The following WASHC3 variants were observed in gnomAD, a reference collection of about 807,000 sequenced individuals.
WASHC3 encodes WASH complex subunit 3.
A neutral mutation model predicts 26.1 loss-of-function variants in WASHC3; 24 were observed. The observed-to-expected ratio is 0.92, with a 90% CI of 0.66 to 1.29. WASHC3 has a LOEUF of 1.29. WASHC3 is among the 50% of genes most tolerant of loss of function. WASHC3 has a pLI of 0.00. For missense variants in WASHC3, 214 were observed against 229.6 expected, an observed-to-expected ratio of 0.93 and a Z score of 0.44; for synonymous variants, 77 against 75.7, an observed-to-expected ratio of 1.02 and a Z score of -0.09.
At chr12:102,050,461 C>CACAG in intron 2 of WASHC3, 1 of 376,506 alleles carries the variant, frequency 2.7e-6, no homozygotes, top group Non-Finnish European at 5.1e-6. Context: ...CTAACACACA[C>CACAG]ACACACACAC....
At chr12:102,028,251 A>G (rs1211611342) in intron 5 of WASHC3, among the ~76,000 whole-genome samples, 1 of 152,166 alleles carries the variant, frequency 6.6e-6, no homozygotes, top group Admixed American at 6.5e-5. Flanking sequence ...TAATTTTAAT[A>G]ATAGAGGAGA....
intron 5 of WASHC3, among the ~76,000 whole-genome samples, chr12:102,029,952 G>A (rs1307985537): frequency 6.6e-6 from 1 of 152,090 alleles, no homozygotes; most frequent in African/African-American, 2.4e-5. Context: ...TTAATAAAAT[G>A]GACTCAATCA....
chr12:102,045,317 A>T (rs1878114560), intron 3 of WASHC3, among the ~76,000 whole-genome samples: 1 of 152,224 alleles, frequency 6.6e-6, no homozygotes, highest in African/African-American at 2.4e-5. Flanking sequence ...AAAGAGACGT[A>T]GAAAGTACAA....
intron 5 of WASHC3, among the ~76,000 whole-genome samples, chr12:102,030,141 C>G (rs1318348781): frequency 3.3e-5 from 5 of 151,714 alleles, no homozygotes; most frequent in African/African-American, 1.2e-4. Context: ...ACTAAAAACA[C>G]AAAATTAGCC....
At chr12:102,032,453 A>C (rs1328877275) in intron 5 of WASHC3, among the ~76,000 whole-genome samples, 2 of 152,184 alleles carry the variant, frequency 1.3e-5, no homozygotes, top group Admixed American at 1.3e-4. Context: ...ATTCCAGTTA[A>C]GTTATAAAAG....
intron 5 of WASHC3, among the ~76,000 whole-genome samples, chr12:102,033,159 T>C (rs961568432): frequency 6.6e-5 from 10 of 152,144 alleles, no homozygotes; most frequent in African/African-American, 2.4e-4. Context: ...GGAGTTTTCA[T>C]GGCAGTTTAG....
intron 2 of WASHC3, chr12:102,050,396 T>C: frequency 2.4e-6 from 1 of 416,540 alleles, no homozygotes; most frequent in Non-Finnish European, 4.8e-6. Flanking sequence ...GGCCGAGGGA[T>C]CACTTAAGCC....
Position 102,013,188 on chromosome 12 carries a change from G to T in WASHC3, c.505C>A (p.Pro169Thr). The T allele has an allele frequency of 6.6e-7, 1 of 1,513,130 alleles. No individual in the cohort carries two copies. The allele number at this position is 1,513,130 out of a possible 1,614,324, so 93.7% of individuals were successfully genotyped here. The stretch of plus-strand genomic sequence containing the variant: ...TCGCCATCAGGCACTGGAGCATCTG[G>T]CCTCCTAAAAGAAAAGAAAAAAAAA... ...EGLDPDLLER[P>T]DAPVPDGESE... Residue 169 changes from proline (P) to threonine (T), a missense_variant, in exon 7 of 7, where the codon CCA becomes ACA. Coordinates refer to ENST00000240079, the MANE Select transcript of WASHC3 (RefSeq NM_016053.4).
intron 6 of WASHC3, among the ~76,000 whole-genome samples, chr12:102,023,458 T>C (rs573471461): frequency 2.6e-5 from 4 of 152,304 alleles, no homozygotes; most frequent in East Asian, 1.9e-4. Context: ...TGAAAGTTCT[T>C]GGCTGAGGCT....
At chr12:102,037,054 A>G (rs1038763561) in intron 5 of WASHC3, among the ~76,000 whole-genome samples, 2 of 152,208 alleles carry the variant, frequency 1.3e-5, no homozygotes, top group Non-Finnish European at 2.9e-5. Context: ...TCCAAAATAC[A>G]TATGCTGTAT....
intron 3 of WASHC3, among the ~76,000 whole-genome samples, 196 bp from the exon 4 acceptor site, chr12:102,044,408 T>A (rs1878070414): frequency 6.6e-6 from 1 of 152,200 alleles, no homozygotes; most frequent in South Asian, 2.1e-4. Context: ...CTAATTTAGT[T>A]TACATAACCA....
At chr12:102,017,681 A>G in intron 6 of WASHC3, 1 of 348,392 alleles carries the variant, frequency 2.9e-6, no homozygotes, top group Non-Finnish European at 5.5e-6. Context: ...AGGAACTGCC[A>G]AACTTTTCCA....
At chr12:102,059,509 T>A (rs1186775195) in intron 2 of WASHC3, among the ~76,000 whole-genome samples, 1 of 152,112 alleles carries the variant, frequency 6.6e-6, no homozygotes. Context: ...GAGTGACTCA[T>A]GAGGCTTTGA....
intron 2 of WASHC3, among the ~76,000 whole-genome samples, chr12:102,055,239 T>C (rs1358884427): frequency 6.6e-6 from 1 of 152,176 alleles, no homozygotes; most frequent in Non-Finnish European, 1.5e-5. Context: ...ATACAAAGAA[T>C]TGGCTTTTTC....
chr12:102,018,585 G>A (rs1477256652), intron 6 of WASHC3, among the ~76,000 whole-genome samples: 1 of 151,504 alleles, frequency 6.6e-6, no homozygotes, highest in Non-Finnish European at 1.5e-5. Context: ...TGATCCTCCT[G>A]CCTTAGCCTC....
intron 3 of WASHC3, among the ~76,000 whole-genome samples, chr12:102,044,479 A>G (rs926519966): frequency 1.3e-5 from 2 of 152,198 alleles, no homozygotes; most frequent in African/African-American, 4.8e-5. Context: ...TTGAAGTCAG[A>G]CTGTCAGGTT....
chr12:102,033,760 CTA>C (rs1877535973), intron 5 of WASHC3, among the ~76,000 whole-genome samples: 1 of 148,758 alleles, frequency 6.7e-6, no homozygotes, highest in African/African-American at 2.5e-5. Flanking sequence ...TTTTTTGAGA[CTA>C]TGTCATCTTC....
rs774861898 is a variant in WASHC3, at chr12:102,061,936, C to G, written c.27G>C (p.Met9Ile). ...CCTTGGTCAGGTCTATGCCTGACCC[C>G]ATGAGAGGAAGCCCGTCCTCATCCA... MDEDGLPL[M>I]GSGIDLTKVP... Residue 9 changes from methionine to isoleucine, a missense_variant, in exon 1 of 7, where the codon ATG becomes ATC. Met to Ile is a conservative substitution (Grantham distance 10, BLOSUM62 1). Transcript: ENST00000240079. 1 of 1,601,736 alleles carries G rather than the reference C, an allele frequency of 6.2e-7. No individual in the cohort carries two copies. The highest frequency in any genetic ancestry group is 8.5e-7 in the Non-Finnish European group (1 of 1,173,608).
intron 5 of WASHC3, among the ~76,000 whole-genome samples, chr12:102,033,586 C>T (rs978161132): frequency 6.6e-6 from 1 of 151,968 alleles, no homozygotes; most frequent in Non-Finnish European, 1.5e-5. Context: ...AGAGACAAAT[C>T]CTATTATTTC....
Sources: allele counts gnomAD v4.1 joint callset (sites outside exome capture counted in the v4.1 genomes callset), GRCh38; gene constraint gnomAD v4.1.1; transcripts MANE v1.5; gene names NCBI Gene and HGNC (gene_info 2026-07-23, HGNC 2026-07-21).